Variants in HMOX2 observed in about 807,000 individuals in gnomAD.
HMOX2 encodes heme oxygenase 2.
HMOX2 carries 30 observed loss-of-function variants against 33.7 expected under a neutral mutation model. The ratio of observed to expected loss-of-function variants is 0.89; its 90% confidence interval spans 0.67 to 1.21. The LOEUF (loss-of-function observed/expected upper bound fraction) is 1.21, where lower values mean the gene tolerates loss of function less well. Ranked by LOEUF, HMOX2 falls within the 50% of genes most tolerant of loss-of-function variation. The pLI, the probability that HMOX2 is intolerant of heterozygous loss-of-function variation, is 0.00. For missense variants in HMOX2, 403 were observed against 399.1 expected (o/e 1.01, Z -0.08); for synonymous variants, 155 against 155.0 (o/e 1.00, Z 0.00).
intron 2 of HMOX2, among the ~76,000 whole-genome samples, chr16:4,506,063 C>T (rs1326415991): frequency 6.6e-6 from 1 of 152,106 alleles, no homozygotes; most frequent in Non-Finnish European, 1.5e-5. Flanking sequence ...ATAGCCCTGT[C>T]ATTGGCCAAG....
At chr16:4,476,924 C>T (rs2057865823) in intron 1 of HMOX2, among the ~76,000 whole-genome samples, 1 of 152,166 alleles carries the variant, frequency 6.6e-6, no homozygotes, top group Non-Finnish European at 1.5e-5. Flanking sequence ...TGGCTGTTTC[C>T]CGGGCTGTTG....
intron 1 of HMOX2, among the ~76,000 whole-genome samples, chr16:4,480,726 C>G (rs1191001145): frequency 6.8e-6 from 1 of 146,542 alleles, no homozygotes; most frequent in Non-Finnish European, 1.5e-5. Context: ...GACCTTGGTT[C>G]ACTGCAACTT....
intron 1 of HMOX2, among the ~76,000 whole-genome samples, chr16:4,491,876 G>GT (rs1862271566): frequency 6.6e-6 from 1 of 151,844 alleles, no homozygotes; most frequent in South Asian, 2.1e-4. Flanking sequence ...TAGACGCAGG[G>GT]TTTTACCATA....
chr16:4,492,803 G>A (rs1276493123), intron 1 of HMOX2, among the ~76,000 whole-genome samples: 1 of 152,018 alleles, frequency 6.6e-6, no homozygotes, highest in Non-Finnish European at 1.5e-5. Flanking sequence ...TTGGGAGGCC[G>A]AGGCGGGCGG....
At chr16:4,505,885 C>G (rs2058678671) in intron 2 of HMOX2, among the ~76,000 whole-genome samples, 1 of 152,174 alleles carries the variant, frequency 6.6e-6, no homozygotes, top group Admixed American at 6.6e-5. Context: ...TTTTTAAAAA[C>G]TTGTGCGTTT....
chr16:4,488,199 A>C (rs1038301988), intron 1 of HMOX2, among the ~76,000 whole-genome samples: 2 of 151,360 alleles, frequency 1.3e-5, no homozygotes, highest in Admixed American at 1.3e-4. Context: ...GCTGTTGGAC[A>C]GTTGCCTTTT....
chr16:4,503,631 T>C (rs2058614941), intron 1 of HMOX2, among the ~76,000 whole-genome samples: 2 of 152,210 alleles, frequency 1.3e-5, no homozygotes, highest in Non-Finnish European at 2.9e-5. Context: ...TTGTGCTATA[T>C]GAGTTATTGC....
At chr16:4,500,047 G>A (rs1209086234) in intron 1 of HMOX2, among the ~76,000 whole-genome samples, 1 of 152,202 alleles carries the variant, frequency 6.6e-6, no homozygotes, top group Non-Finnish European at 1.5e-5. Flanking sequence ...TCCCCAGGGT[G>A]CTGGCCTATA....
Position 4,509,921 on chromosome 16 carries a change from C to T in HMOX2, c.*165C>T. The T allele has an allele frequency of 1.3e-6, 1 of 744,356 alleles. No individual in the cohort carries two copies. The highest frequency in any genetic ancestry group is 2.7e-5 in the East Asian group (1 of 36,834). 46.1% of individuals were successfully genotyped at this position (744,356 alleles called of 1,614,324 possible). A position where few individuals can be genotyped will look rare whatever the true frequency, so the allele number is the denominator to read the frequency against. ...TGCTAGAGCCTCTGCCTGACAGCATCCTCTCTATGGGCCATATTCCGCACT... is the reference window on the plus strand; with the variant it reads ...TGCTAGAGCCTCTGCCTGACAGCATTCTCTCTATGGGCCATATTCCGCACT... On this transcript the variant is annotated 3_prime_UTR_variant, in exon 6 of 6. Coordinates refer to ENST00000570646, the MANE Select transcript of HMOX2 (RefSeq NM_002134.4).
At chr16:4,504,682 C>CT (rs56922429) in intron 1 of HMOX2, among the ~76,000 whole-genome samples, 944 of 65,844 alleles carry the variant, frequency 0.014, 78 homozygotes, top group African/African-American at 0.05. Flanking sequence ...TTGATACGGT[C>CT]TTTTTTTTTT....
intron 1 of HMOX2, among the ~76,000 whole-genome samples, chr16:4,497,119 T>C (rs1274405253): frequency 6.6e-6 from 1 of 152,142 alleles, no homozygotes; most frequent in Non-Finnish European, 1.5e-5. Context: ...CTACTTTTTT[T>C]CCCTCCACCC....
Position 4,498,555 on chromosome 16 carries a change from C to T in HMOX2, c.-41-6929C>T, listed in dbSNP as rs1021175113. 4.6e-5 allele frequency among the ~76,000 whole-genome samples: 7 copies of T among 151,936 alleles called. No individual in the cohort carries two copies. In the South Asian group the frequency reaches 8.3e-4, roughly 18 times the overall value. ...ACGCCTGGCTAATTATTTTATTTTTCGTAGAGACAAGGTCTGACTGTGTTG... is the reference window on the plus strand; with the variant it reads ...ACGCCTGGCTAATTATTTTATTTTTTGTAGAGACAAGGTCTGACTGTGTTG... On this transcript the variant is annotated intron_variant, in intron 1 of 5. Coordinates refer to ENST00000570646, the MANE Select transcript of HMOX2 (RefSeq NM_002134.4).
At chr16:4,475,410 T>G (rs2057792249), upstream of HMOX2, among the ~76,000 whole-genome samples, 1 of 149,976 alleles carries the variant, frequency 6.7e-6, no homozygotes, top group Admixed American at 6.6e-5. Flanking sequence ...TGGGTTCAAG[T>G]GATTCTCCTG....
intron 1 of HMOX2, among the ~76,000 whole-genome samples, chr16:4,484,950 GTT>G (rs910298935): frequency 6.7e-6 from 1 of 148,198 alleles, no homozygotes; most frequent in Non-Finnish European, 1.5e-5. Flanking sequence ...GCCATCTGTT[GTT>G]TTTTTTTTCC....
At position 4,509,717 on chromosome 16, in the gene HMOX2, G is replaced by C; in HGVS notation, c.912G>C (p.Val304=). The part of the protein sequence containing the change: ...PSLQFILAAG[V]ALAAGLLAWY... Reference sequence around the variant, plus strand: ...TCCAGTTCATCCTGGCCGCTGGTGTGGCCCTAGCTGCTGGACTCTTGGCCT... The same window carrying C: ...TCCAGTTCATCCTGGCCGCTGGTGTCGCCCTAGCTGCTGGACTCTTGGCCT... Residue 304 remains valine (V), a synonymous_variant, in exon 6 of 6, where the codon GTG becomes GTC. Transcript: ENST00000570646. 6.2e-7 allele frequency: 1 copy of C among 1,613,824 alleles called. No individual in the cohort carries two copies. Among genetic ancestry groups the C allele is most frequent in the Non-Finnish European group, 8.5e-7 (1 of 1,179,974 alleles).
chr16:4,484,702 C>T (rs17884735), intron 1 of HMOX2, among the ~76,000 whole-genome samples: 132 of 151,596 alleles, frequency 8.7e-4, no homozygotes, highest in African/African-American at 3.2e-3. Context: ...TTCAGGTGAG[C>T]CGCCTGCCGC....
chr16:4,478,646 T>C (rs2057934595), intron 1 of HMOX2, among the ~76,000 whole-genome samples: 1 of 151,780 alleles, frequency 6.6e-6, no homozygotes, highest in Non-Finnish European at 1.5e-5. Flanking sequence ...GTGCCTGTAA[T>C]CCGAGCTACT....
intron 1 of HMOX2, chr16:4,476,695 C>G: frequency 6.6e-6 from 1 of 152,412 alleles, no homozygotes; most frequent in East Asian, 1.9e-4. Context: ...CGAAGAAGGG[C>G]GTGGAGGGGC....
intron 1 of HMOX2, among the ~76,000 whole-genome samples, chr16:4,488,125 C>CT (rs1283521820): frequency 8.3e-6 from 1 of 120,822 alleles, no homozygotes; most frequent in African/African-American, 3.8e-5. Context: ...GAAACTCCAT[C>CT]TCAAAAAAAA....
Sources: gnomAD v4.1 joint callset for allele counts (sites outside exome capture counted in the v4.1 genomes callset) on GRCh38, gnomAD v4.1.1 for gene constraint, MANE v1.5 for transcripts, NCBI Gene and HGNC (gene_info 2026-07-23, HGNC 2026-07-21) for gene names.